The following RBFOX1 variants were observed in gnomAD, a reference collection of about 807,000 sequenced individuals.
The protein encoded by RBFOX1 is RNA binding protein fox-1 homolog 1.
A neutral mutation model predicts 57.7 loss-of-function variants in RBFOX1; 8 were observed. The observed-to-expected ratio is 0.14, with a 90% CI of 0.08 to 0.25. The LOEUF is 0.25. Among genes scored for constraint, RBFOX1 ranks in the 10% least tolerant of loss-of-function variants. The pLI is 1.00. For synonymous variants in RBFOX1, 326 were observed against 222.4 expected (o/e 1.47, Z -4.15); for missense variants, 611 against 548.5 (o/e 1.11, Z -1.14).
chr16:6,262,235 G>T (rs984614265), intron 1 of RBFOX1, among the ~76,000 whole-genome samples: 8 of 152,110 alleles, frequency 5.3e-5, no homozygotes, highest in African/African-American at 1.9e-4. Context: ...GGGCAGGAAA[G>T]AGAATCGGGA....
intron 3 of RBFOX1, among the ~76,000 whole-genome samples, chr16:6,888,707 G>A (rs1481757705): frequency 6.6e-6 from 1 of 152,128 alleles, no homozygotes; most frequent in African/African-American, 2.4e-5. Context: ...AAAGCTGGGG[G>A]AAGGGAGACC....
intron 2 of RBFOX1, among the ~76,000 whole-genome samples, chr16:5,592,218 G>A (rs1372623376): frequency 6.6e-6 from 1 of 152,010 alleles, no homozygotes; most frequent in Non-Finnish European, 1.5e-5. Context: ...CTGGGGCGAA[G>A]CTCTTTATAA....
At chr16:5,536,228 CTTTTTTTTT>C (rs57061495) in intron 2 of RBFOX1, among the ~76,000 whole-genome samples, 5 of 103,530 alleles carry the variant, frequency 4.8e-5, no homozygotes, top group African/African-American at 4.0e-5. Flanking sequence ...AATCTCCTGT[CTTTTTTTTT>C]TTTTTTTTTT....
chr16:7,037,559 C>T (rs1479066568), intron 3 of RBFOX1, among the ~76,000 whole-genome samples: 1 of 152,154 alleles, frequency 6.6e-6, no homozygotes, highest in African/African-American at 2.4e-5. Flanking sequence ...ATCACAACAA[C>T]AACAACAAAT....
At chr16:7,273,721 T>A (rs199600033) in intron 4 of RBFOX1, among the ~76,000 whole-genome samples, 1 of 152,186 alleles carries the variant, frequency 6.6e-6, no homozygotes, top group East Asian at 1.9e-4. Context: ...GTTTAGTAAT[T>A]TTATCTAAAT....
chr16:7,559,612 G>A (rs1048406437), intron 5 of RBFOX1, among the ~76,000 whole-genome samples: 1 of 152,188 alleles, frequency 6.6e-6, no homozygotes, highest in African/African-American at 2.4e-5. Context: ...CTTGCACTCT[G>A]TCCTCTAAAC....
chr16:5,640,362 T>C (rs1408203810), intron 3 of RBFOX1, among the ~76,000 whole-genome samples: 1 of 152,114 alleles, frequency 6.6e-6, no homozygotes, highest in Non-Finnish European at 1.5e-5. Context: ...CACAAGCATG[T>C]ATGCACATGT....
At chr16:7,190,876 G>A (rs376586487) in intron 4 of RBFOX1, among the ~76,000 whole-genome samples, 5 of 152,278 alleles carry the variant, frequency 3.3e-5, no homozygotes, top group African/African-American at 1.2e-4. Context: ...ATTCTTCAGA[G>A]GATGTTAACT....
intron 4 of RBFOX1, among the ~76,000 whole-genome samples, chr16:5,993,093 C>A (rs1236897256): frequency 6.6e-6 from 1 of 152,172 alleles, no homozygotes; most frequent in African/African-American, 2.4e-5. Flanking sequence ...AAGTACCATC[C>A]TGTCTAAAAC....
intron 1 of RBFOX1, among the ~76,000 whole-genome samples, chr16:6,119,282 A>G (rs1273671423): frequency 6.6e-6 from 1 of 152,152 alleles, no homozygotes; most frequent in Non-Finnish European, 1.5e-5. Context: ...AGCTCAGATT[A>G]TCTGCTGTTT....
At chr16:5,241,953 T>A (rs1446553566) in intron 1 of RBFOX1, among the ~76,000 whole-genome samples, 4 of 150,964 alleles carry the variant, frequency 2.6e-5, no homozygotes, top group Admixed American at 1.3e-4. Context: ...AAAAAAATAA[T>A]AATAATAAAA....
intron 3 of RBFOX1, among the ~76,000 whole-genome samples, chr16:6,959,237 C>G (rs891494943): frequency 6.6e-6 from 1 of 152,182 alleles, no homozygotes; most frequent in African/African-American, 2.4e-5. Context: ...CTTTGCTAAG[C>G]TCAGGGGACA....
intron 3 of RBFOX1, among the ~76,000 whole-genome samples, chr16:6,810,333 A>G (rs113288174): frequency 8.5e-4 from 129 of 152,282 alleles, no homozygotes; most frequent in African/African-American, 2.8e-3. Context: ...AGGGCCGTAC[A>G]GGAGGCTTCC....
chr16:7,676,538 C>G (rs571171878), intron 13 of RBFOX1, among the ~76,000 whole-genome samples: 47 of 152,284 alleles, frequency 3.1e-4, no homozygotes, highest in Non-Finnish European at 6.0e-4. Context: ...GGCCTCTAGG[C>G]TCTTCTTTTG....
chr16:5,757,131 G>A (rs900789181), intron 3 of RBFOX1, among the ~76,000 whole-genome samples: 6 of 152,052 alleles, frequency 3.9e-5, no homozygotes, highest in African/African-American at 1.4e-4. Context: ...CATCATTACT[G>A]CATAGCTGCC....
chr16:6,941,337 TC>T (rs2078469914), intron 3 of RBFOX1, among the ~76,000 whole-genome samples: 1 of 141,576 alleles, frequency 7.1e-6, no homozygotes, highest in Non-Finnish European at 1.5e-5. Flanking sequence ...CTTCCTTCCT[TC>T]CTTCCTTCCT....
At chr16:5,423,828 T>C (rs1357672577) in intron 1 of RBFOX1, among the ~76,000 whole-genome samples, 3 of 152,154 alleles carry the variant, frequency 2.0e-5, no homozygotes, top group Non-Finnish European at 4.4e-5. Flanking sequence ...AGGGCTCTTG[T>C]TGTCTTCTCG....
intron 5 of RBFOX1, among the ~76,000 whole-genome samples, chr16:7,554,620 C>T (rs1274871258): frequency 6.6e-6 from 1 of 152,002 alleles, no homozygotes; most frequent in African/African-American, 2.4e-5. Context: ...CCAGTGAATT[C>T]AGATTAGTTG....
chr16:6,893,408 C>T (rs904723811), intron 3 of RBFOX1, among the ~76,000 whole-genome samples: 1 of 152,156 alleles, frequency 6.6e-6, no homozygotes, highest in Non-Finnish European at 1.5e-5. Flanking sequence ...CTGTACCATG[C>T]CTTTACAGAA....
Sources: allele counts gnomAD v4.1 joint callset (sites outside exome capture counted in the v4.1 genomes callset), GRCh38; gene constraint gnomAD v4.1.1; transcripts MANE v1.5; gene names NCBI Gene and HGNC (gene_info 2026-07-23, HGNC 2026-07-21).